LPP: variants seen among roughly 807,000 people sequenced by gnomAD.
The protein encoded by LPP is LIM domain containing preferred translocation partner in lipoma, also known as lipoma-preferred partner.
In LPP, 38 loss-of-function variants were observed where a neutral mutation model predicts 60.4. That is an observed-to-expected ratio of 0.63 (90% CI 0.49 to 0.83). The LOEUF is 0.83. LPP is among the 40% of genes least tolerant of loss of function. The pLI is 0.00. For synonymous variants in LPP, 328 were observed against 290.8 expected, an observed-to-expected ratio of 1.13 and a Z score of -1.30; for missense variants, 902 against 783.6, an observed-to-expected ratio of 1.15 and a Z score of -1.80.
intron 6 of LPP, among the ~76,000 whole-genome samples, chr3:188,591,854 TTTTGAATTCAATA>T (rs1251978641): frequency 6.6e-6 from 1 of 152,202 alleles, no homozygotes; most frequent in Non-Finnish European, 1.5e-5. Context: ...CAACAAGGCT[TTTTGAATTCAATA>T]TCAGAGGGTT....
intron 1 of LPP, among the ~76,000 whole-genome samples, chr3:188,172,147 A>G (rs1288618451): frequency 6.6e-6 from 1 of 152,214 alleles, no homozygotes; most frequent in East Asian, 1.9e-4. Flanking sequence ...CTTCTTTTGT[A>G]TTAAACAAAC....
intron 6 of LPP, among the ~76,000 whole-genome samples, chr3:188,525,432 C>T (rs889794432): frequency 6.6e-6 from 1 of 152,158 alleles, no homozygotes; most frequent in African/African-American, 2.4e-5. Context: ...AAGTAAATCT[C>T]TTATTCCATT....
intron 2 of LPP, among the ~76,000 whole-genome samples, chr3:188,252,705 G>A (rs1730298532): frequency 6.6e-6 from 1 of 152,086 alleles, no homozygotes; most frequent in Non-Finnish European, 1.5e-5. Flanking sequence ...TGTATTTAAT[G>A]TCCATATGTA....
chr3:188,795,998 AT>A (rs1745227788), intron 9 of LPP, among the ~76,000 whole-genome samples: 1 of 152,166 alleles, frequency 6.6e-6, no homozygotes, highest in South Asian at 2.1e-4. Context: ...TATTCAGCCA[AT>A]CTCAGTTGAC....
intron 4 of LPP, among the ~76,000 whole-genome samples, chr3:188,449,137 C>T (rs4686961): frequency 0.95 from 144,496 of 152,264 alleles, 68,758 homozygotes; most frequent in East Asian, 0.99. Context: ...TTTTACTTTA[C>T]TGCACGTCTG....
intron 4 of LPP, among the ~76,000 whole-genome samples, chr3:188,418,234 C>T (rs1036116765): frequency 6.6e-6 from 1 of 152,068 alleles, no homozygotes; most frequent in African/African-American, 2.4e-5. Context: ...TTAGTATCTT[C>T]CCTTAAGTAT....
chr3:188,286,319 G>C (rs896659637), intron 2 of LPP, among the ~76,000 whole-genome samples: 87 of 152,136 alleles, frequency 5.7e-4, no homozygotes, highest in African/African-American at 2.0e-3. Context: ...TTGCTCCTTG[G>C]ATATTTTAGG....
intron 6 of LPP, among the ~76,000 whole-genome samples, chr3:188,528,883 C>G (rs1180301143): frequency 6.6e-6 from 1 of 152,198 alleles, no homozygotes; most frequent in African/African-American, 2.4e-5. Flanking sequence ...CTGAGTGACA[C>G]TGTCCCTTGA....
At chr3:188,316,304 A>AT (rs1435505341) in intron 2 of LPP, among the ~76,000 whole-genome samples, 1 of 152,164 alleles carries the variant, frequency 6.6e-6, no homozygotes, top group Non-Finnish European at 1.5e-5. Context: ...AACAAAAAAA[A>AT]GATTAGCCCA....
At chr3:188,778,917 G>A (rs529391821) in intron 9 of LPP, among the ~76,000 whole-genome samples, 1 of 152,296 alleles carries the variant, frequency 6.6e-6, no homozygotes, top group East Asian at 1.9e-4. Flanking sequence ...AAGAGAAACT[G>A]TAATTTGAAG....
At chr3:188,496,335 G>GT (rs1810203901) in intron 5 of LPP, among the ~76,000 whole-genome samples, 1 of 152,054 alleles carries the variant, frequency 6.6e-6, no homozygotes, top group Admixed American at 6.5e-5. Context: ...CACCATGTTG[G>GT]CCAGGCTGGT....
intron 9 of LPP, among the ~76,000 whole-genome samples, chr3:188,850,050 C>G (rs897424547): frequency 6.6e-6 from 1 of 152,156 alleles, no homozygotes; most frequent in Non-Finnish European, 1.5e-5. Flanking sequence ...GAGCCCCAGC[C>G]CCAGAGATAA....
At chr3:188,170,798 A>C (rs988248300) in intron 1 of LPP, among the ~76,000 whole-genome samples, 1 of 151,924 alleles carries the variant, frequency 6.6e-6, no homozygotes, top group African/African-American at 2.4e-5. Context: ...CATCTTCTTC[A>C]TCTAAGGCAA....
At chr3:188,478,421 C>T (rs981006532) in intron 4 of LPP, among the ~76,000 whole-genome samples, 1 of 152,012 alleles carries the variant, frequency 6.6e-6, no homozygotes, top group Non-Finnish European at 1.5e-5. Flanking sequence ...TTTCATGAAA[C>T]CCTTTTTTTC....
intron 3 of LPP, among the ~76,000 whole-genome samples, chr3:188,344,060 T>A (rs886960106): frequency 1.3e-5 from 2 of 152,190 alleles, no homozygotes; most frequent in Non-Finnish European, 2.9e-5. Context: ...TATACCCTGT[T>A]TACTATTTAG....
intron 1 of LPP, among the ~76,000 whole-genome samples, chr3:188,199,069 A>G (rs981343961): frequency 5.3e-5 from 8 of 152,104 alleles, no homozygotes; most frequent in African/African-American, 1.7e-4. Context: ...CTAGAGGGAT[A>G]TGGTTGCTCA....
intron 7 of LPP, among the ~76,000 whole-genome samples, chr3:188,611,411 ACCAGTGCCTCCTGGC>A (rs1843696220): frequency 6.6e-6 from 1 of 152,224 alleles, no homozygotes; most frequent in Non-Finnish European, 1.5e-5. Context: ...GTATATTTGC[ACCAGTGCCTCCTGGC>A]CCAGTCAAGG....
chr3:188,332,693 A>T (rs189266258), intron 2 of LPP, among the ~76,000 whole-genome samples: 1 of 152,236 alleles, frequency 6.6e-6, no homozygotes, highest in Non-Finnish European at 1.5e-5. Context: ...CAGATATAAA[A>T]CTAGGCATTA....
At chr3:188,239,244 G>A (rs1466825250) in intron 2 of LPP, among the ~76,000 whole-genome samples, 1 of 152,164 alleles carries the variant, frequency 6.6e-6, no homozygotes, top group Non-Finnish European at 1.5e-5. Flanking sequence ...GCAATCGTAA[G>A]CCTAATCACC....
Sources: gnomAD v4.1 joint callset for allele counts (sites outside exome capture counted in the v4.1 genomes callset) on GRCh38, gnomAD v4.1.1 for gene constraint, MANE v1.5 for transcripts, NCBI Gene and HGNC (gene_info 2026-07-23, HGNC 2026-07-21) for gene names.